Variants in HIP1R observed in about 807,000 individuals in gnomAD.
The protein encoded by HIP1R is huntingtin interacting protein 1 related.
Under a neutral mutation model 144.2 loss-of-function variants are expected in HIP1R, and 135 were observed. The ratio of observed to expected loss-of-function variants is 0.94; its 90% CI spans 0.81 to 1.08. The LOEUF (loss-of-function observed/expected upper bound fraction) is 1.08, where lower values mean the gene tolerates loss of function less well. Among genes scored for constraint, HIP1R ranks in the 50% least tolerant of loss-of-function variants. The probability of loss-of-function intolerance (pLI) is 0.00; values close to 1 mark genes in which losing one functional copy is unlikely to be tolerated. For missense variants in HIP1R, 1,462 were observed against 1,432.8 expected (o/e 1.02, Z -0.33); for synonymous variants, 698 against 612.8 (o/e 1.14, Z -2.05).
intron 6 of HIP1R, 73 bp from the exon 7 acceptor site, chr12:122,851,163 G>A (rs996314439): frequency 9.7e-6 from 13 of 1,335,326 alleles, no homozygotes. Context: ...GTCCCCACTG[G>A]AGGGGGCGTC....
upstream of HIP1R, chr12:122,835,150 G>A (rs2032833546): frequency 1.7e-6 from 1 of 573,630 alleles, no homozygotes; most frequent in African/African-American, 2.2e-5. Context: ...AGGAGCTGGG[G>A]GGGCGTTTGG....
chr12:122,852,625 A>T (rs533750468), intron 7 of HIP1R, among the ~76,000 whole-genome samples: 1 of 152,340 alleles, frequency 6.6e-6, no homozygotes, highest in African/African-American at 2.4e-5. Flanking sequence ...TGACAGGTAC[A>T]GGGGCTTCCC....
intron 4 of HIP1R, 72 bp from the exon 5 acceptor site, chr12:122,849,803 G>T: frequency 9.2e-7 from 1 of 1,091,100 alleles, no homozygotes; most frequent in Non-Finnish European, 1.4e-6. Context: ...GGTCACTCTC[G>T]TGCCCAGGTC....
intron 1 of HIP1R, among the ~76,000 whole-genome samples, chr12:122,845,338 G>A (rs1477384159): frequency 6.6e-6 from 1 of 152,244 alleles, no homozygotes; most frequent in Non-Finnish European, 1.5e-5. Context: ...GCCTCCTTGT[G>A]TGGCGCTCTG....
chr12:122,858,723 C>G (rs1036782113), intron 20 of HIP1R, 115 bp from the exon 21 acceptor site: 3 of 800,436 alleles, frequency 3.7e-6, no homozygotes, highest in Non-Finnish European at 2.1e-6. Flanking sequence ...GTTGTCTTGC[C>G]GAGCCCTCCT....
chr12:122,846,129 G>C (rs983607478), intron 1 of HIP1R, among the ~76,000 whole-genome samples: 1 of 152,220 alleles, frequency 6.6e-6, no homozygotes, highest in African/African-American at 2.4e-5. Flanking sequence ...GACACGCCTG[G>C]CTTGTGACAG....
chr12:122,858,500 T>G lies in HIP1R; in HGVS notation c.2050+65T>G, dbSNP rs952285700. On this transcript the variant is annotated intron_variant, in intron 20 of 31. Transcript: ENST00000253083. ...CCCAGTTCCAGCGCCCATGGCCACC[T>G]CTTGCCTTTTGGGAGGTTTACAGAC... 5.1e-5 allele frequency: 68 copies of G among 1,340,626 alleles called. No individual in the cohort carries two copies. In the African/African-American group the frequency reaches 9.3e-4, roughly 18 times the overall value. The allele number at this position is 1,340,626 out of a possible 1,614,324, so 83.0% of individuals were successfully genotyped here. A position where few individuals can be genotyped will look rare whatever the true frequency, so the allele number is the denominator to read the frequency against.
chr12:122,858,395 C>T lies in HIP1R; in HGVS notation c.2010C>T (p.Thr670=), dbSNP rs761477767. The change falls in exon 20 of 32, where the codon ACC becomes ACT. Residue 670 remains threonine, a synonymous_variant. Coordinates refer to ENST00000253083, the MANE Select transcript of HIP1R (RefSeq NM_003959.3). The part of the protein sequence containing the change: ...RAQEALDAVS[T]LEEGHAQYLT... ...AGGAGGCCTTGGATGCCGTGAGCAC[C>T]CTGGAGGAGGGCCACGCCCAGTACC... 1.9e-5 allele frequency: 31 copies of T among 1,611,106 alleles called. No homozygotes were observed. The East Asian group carries it at 5.4e-4, about 28-fold the overall frequency.
At chr12:122,859,383 G>C (rs567804081) in intron 22 of HIP1R, 43 bp from the exon 23 acceptor site, 122 of 1,562,080 alleles carry the variant, frequency 7.8e-5, no homozygotes, top group African/African-American at 4.2e-4. Flanking sequence ...CGTGGGACGG[G>C]GGGGGACGGA....
upstream of HIP1R, chr12:122,835,146 T>C: frequency 2.4e-6 from 1 of 417,288 alleles, no homozygotes; most frequent in Non-Finnish European, 3.4e-6. Context: ...GGGGAGGAGC[T>C]GGGGGGGCGT....
At chr12:122,849,843 C>T (rs768100959) in intron 4 of HIP1R, 32 bp from the exon 5 acceptor site, 22 of 1,545,402 alleles carry the variant, frequency 1.4e-5, no homozygotes, top group South Asian at 3.4e-5. Context: ...GTTCACGAGC[C>T]GTGGCCCCTC....
In HIP1R at chr12:122,857,015, C is replaced by A; in HGVS notation, c.1621-6C>A. ...TCACATGCCTGGTGTCCATGTCTGT[C>A]CACAGAGCAAGTCGGAGCTGAGCTC... On this transcript the variant is annotated splice_region_variant and splice_polypyrimidine_tract_variant and intron_variant, in intron 17 of 31. Transcript: ENST00000253083. The A allele has an allele frequency of 6.5e-7, 1 of 1,548,436 alleles. No individual in the cohort carries two copies. The highest frequency in any genetic ancestry group is 2.3e-4 in the Middle Eastern group (1 of 4,412).
At position 122,840,107 on chromosome 12, in the gene HIP1R, G is replaced by A. The variant is rs1220752874; in HGVS notation, c.93+4464G>A. On this transcript the variant is annotated intron_variant, in intron 1 of 31. Transcript: ENST00000253083. The surrounding 1 kb of genome is among the most constrained non-coding windows in gnomAD (Gnocchi z 4.2). ...CAGCCCACATGGTGATGCCCTCGTGGTGATGCCCGGCAGGCCGCTGACTTC... is the reference window on the plus strand; with the variant it reads ...CAGCCCACATGGTGATGCCCTCGTGATGATGCCCGGCAGGCCGCTGACTTC... 1.3e-5 allele frequency among the ~76,000 whole-genome samples: 2 copies of A among 152,236 alleles called. No homozygotes were observed. The highest frequency in any genetic ancestry group is 2.9e-5 in the Non-Finnish European group (2 of 68,040).
In HIP1R at chr12:122,855,608, G is replaced by A. The variant is rs540398493; in HGVS notation, c.1051G>A (p.Asp351Asn). 1.8e-5 allele frequency: 28 copies of A among 1,549,662 alleles called. No homozygotes were observed. The highest frequency in any genetic ancestry group is 1.2e-4 in the East Asian group (5 of 40,930). ...FGPPNGSVKD[D>N]RDLQIESLKR... ...ACCCCCCAATGGGTCTGTGAAGGAC[G>A]ACAGGTGAGGGCTGGAGGAGCCGAC... Residue 351 changes from aspartate to asparagine, a missense_variant, in exon 12 of 32, where the codon GAC (aspartate) becomes AAC (asparagine). Asp to Asn is a conservative substitution (Grantham distance 23). Transcript: ENST00000253083.
chr12:122,856,020 C>A lies in HIP1R; in HGVS notation c.1169C>A (p.Ala390Glu). Residue 390 changes from alanine to glutamate, a missense_variant, in exon 14 of 32, where the codon GCA becomes GAA. Around this residue, in one of 2 missense-constraint regions of HIP1R, gnomAD observed 1,112 missense variants for 1,011.7 expected, o/e 1.10. Coordinates refer to ENST00000253083, the MANE Select transcript of HIP1R (RefSeq NM_003959.3). ...GCGCAGCTGAAGAGCCAGGTGAATGCACTGGAGGGTGAGCTGGAGGAGCAG... is the reference window on the plus strand; with the variant it reads ...GCGCAGCTGAAGAGCCAGGTGAATGAACTGGAGGGTGAGCTGGAGGAGCAG... ...YIAQLKSQVN[A>E]LEGELEEQRK... 1 of 1,596,524 alleles carries A rather than the reference C, an allele frequency of 6.3e-7. No individual in the cohort carries two copies. Among genetic ancestry groups the A allele is most frequent in the Non-Finnish European group, 8.5e-7 (1 of 1,171,826 alleles).
intron 4 of HIP1R, 88 bp from the exon 5 acceptor site, chr12:122,849,787 G>A: frequency 4.7e-6 from 4 of 849,726 alleles, no homozygotes; most frequent in Middle Eastern, 2.5e-4. Context: ...GAAGTGCCCG[G>A]TGGTGGGTCA....
chr12:122,858,897 A>T lies in HIP1R; in HGVS notation c.2110A>T (p.Ile704Phe). 6.2e-7 allele frequency: 1 copy of T among 1,613,074 alleles called. No individual in the cohort carries two copies. The highest frequency in any genetic ancestry group is 8.5e-7 in the Non-Finnish European group (1 of 1,179,978). Residue 704 changes from isoleucine (I) to phenylalanine (F), a missense_variant, in exon 21 of 32, where the codon ATC (isoleucine) becomes TTC (phenylalanine). This residue lies in a region of HIP1R where 1,112 missense variants were observed against 1,011.7 expected (regional missense o/e 1.10). Coordinates refer to ENST00000253083, the MANE Select transcript of HIP1R (RefSeq NM_003959.3). ...CTCCCACCTGGCTGCGGATACCATC[A>T]TCAATGGCGGTGCCACCTCGCACCT... ...RFSHLAADTI[I>F]NGGATSHLAP... is the part of the protein sequence containing the mutation.
intron 5 of HIP1R, 26 bp downstream of exon 5, chr12:122,849,981 G>A (rs762544672): frequency 1.5e-5 from 23 of 1,535,218 alleles, no homozygotes; most frequent in Non-Finnish European, 2.0e-5. Context: ...GAGTCATGGG[G>A]CTGAGGGACC....
intron 6 of HIP1R, 150 bp from the exon 7 acceptor site, chr12:122,851,086 C>T (rs2033380279): frequency 2.4e-6 from 2 of 849,850 alleles, no homozygotes; most frequent in Non-Finnish European, 3.6e-6. Flanking sequence ...GTGGGGTGTA[C>T]TTGAAGGACT....
Sources: gnomAD v4.1 joint callset for allele counts (sites outside exome capture counted in the v4.1 genomes callset) on GRCh38, gnomAD v4.1.1 for gene constraint, gnomAD v4.1.1 regional missense constraint, Gnocchi (gnomAD v3.1) non-coding constraint, MANE v1.5 for transcripts, NCBI Gene and HGNC (gene_info 2026-07-23, HGNC 2026-07-21) for gene names.